PTCHD1: variants seen among roughly 807,000 people sequenced by gnomAD.
The protein encoded by PTCHD1 is patched domain-containing protein 1.
Under a neutral mutation model 34.6 loss-of-function variants are expected in PTCHD1, and 3 were observed. The observed-to-expected ratio is 0.09, with a 90% CI of 0.04 to 0.22. The LOEUF (loss-of-function observed/expected upper bound fraction) is 0.22. Among genes scored for constraint, PTCHD1 ranks in the 10% least tolerant of loss-of-function variants. The pLI is 1.00. For synonymous variants in PTCHD1, 305 were observed against 283.1 expected (o/e 1.08, Z -0.77); for missense variants, 504 against 685.5 (o/e 0.74, Z 2.96).
intron 1 of PTCHD1, among the ~76,000 whole-genome samples, chrX:23,336,387 T>C (rs1268256571): frequency 9.0e-6 from 1 of 111,035 alleles, no homozygotes; most frequent in Non-Finnish European, 1.9e-5. Context: ...TTTGTGTGAG[T>C]CTCTAGTCCA....
At chrX:23,368,135 A>C (rs1168026289) in intron 1 of PTCHD1, among the ~76,000 whole-genome samples, 1 of 111,404 alleles carries the variant, frequency 9.0e-6, no homozygotes, top group Non-Finnish European at 1.9e-5. Context: ...TAAAAAAAAA[A>C]AAAAAACTTT....
At chrX:23,352,047 C>G (rs1011339593) in intron 1 of PTCHD1, among the ~76,000 whole-genome samples, 1 of 111,468 alleles carries the variant, frequency 9.0e-6, no homozygotes, top group Non-Finnish European at 1.9e-5. Context: ...AAGGAATGAA[C>G]TGTACTAGAA....
chrX:23,385,967 CAT>C (rs1205352749), intron 2 of PTCHD1, among the ~76,000 whole-genome samples: 7 of 110,193 alleles, frequency 6.4e-5, no homozygotes, highest in East Asian at 5.6e-4. Flanking sequence ...GTGTTTATAA[CAT>C]ATATTATGTA....
chrX:23,357,521 A>G (rs769667738), intron 1 of PTCHD1, among the ~76,000 whole-genome samples: 2 of 111,240 alleles, frequency 1.8e-5, no homozygotes, highest in South Asian at 3.9e-4. Context: ...CCATGAGTCT[A>G]TATACCCAGT....
Position 23,387,051 on chromosome X carries a change from T to C in PTCHD1, c.1013-5480T>C, listed in dbSNP as rs372990928. ...GCGAAAATCTGGGACTGAAGAAAAA[T>C]CTGACTTACAAAATCCAGAAGTATT... On this transcript the variant is annotated intron_variant, in intron 2 of 2. Transcript: ENST00000379361. 2.1e-3 allele frequency among the ~76,000 whole-genome samples: 235 copies of C among 112,002 alleles called. 1 individual carries two copies. The highest frequency in any genetic ancestry group is 7.2e-3 in the African/African-American group (222 of 30,827).
At chrX:23,337,680 A>G (rs1158440269) in intron 1 of PTCHD1, among the ~76,000 whole-genome samples, 1 of 111,435 alleles carries the variant, frequency 9.0e-6, no homozygotes, top group African/African-American at 3.3e-5. Context: ...ACAACACCCA[A>G]CAGTCCCTGC....
chrX:23,360,676 C>T lies in PTCHD1; in HGVS notation c.352-18915C>T, dbSNP rs376615683. 9.9e-5 allele frequency among the ~76,000 whole-genome samples: 11 copies of T among 111,323 alleles called. No homozygotes were observed. The East Asian group carries it at 3.1e-3, about 31-fold the overall frequency. ...AGTTCTGCTCTGATCTTAGTTATTT[C>T]TTGCCTTCTGCTAGCTTTTGAATGT... On this transcript the variant is annotated intron_variant, in intron 1 of 2. Transcript: ENST00000379361.
At chrX:23,348,225 G>C (rs1383048176) in intron 1 of PTCHD1, among the ~76,000 whole-genome samples, 1 of 107,334 alleles carries the variant, frequency 9.3e-6, no homozygotes, top group Non-Finnish European at 1.9e-5. Flanking sequence ...CTTGAATATA[G>C]GGCAATATAA....
chrX:23,378,972 G>A (rs767808208), intron 1 of PTCHD1, among the ~76,000 whole-genome samples: 1 of 111,985 alleles, frequency 8.9e-6, no homozygotes, highest in Non-Finnish European at 1.9e-5. Context: ...GGCAAGGAAA[G>A]CCAGAGACAA....
upstream of PTCHD1, chrX:23,334,837 G>C (rs1276511802): frequency 2.1e-6 from 2 of 974,108 alleles, no homozygotes; most frequent in Admixed American, 7.2e-5. Context: ...CGCGCCGAGC[G>C]TGCGCCTCGC....
chrX:23,364,154 C>G (rs1463008015), intron 1 of PTCHD1, among the ~76,000 whole-genome samples: 2 of 110,968 alleles, frequency 1.8e-5, no homozygotes, highest in Non-Finnish European at 3.8e-5. Flanking sequence ...ATAAGCAAGA[C>G]TAGCTGAAGT....
At chrX:23,367,782 C>A (rs921230796) in intron 1 of PTCHD1, among the ~76,000 whole-genome samples, 5 of 111,506 alleles carry the variant, frequency 4.5e-5, no homozygotes, top group Non-Finnish European at 7.5e-5. Context: ...GTGCAATATT[C>A]TAGGTTCCAT....
In PTCHD1 at chrX:23,358,060, G is replaced by A. The variant is rs1174023099; in HGVS notation, c.352-21531G>A. Among the ~76,000 whole-genome samples the A allele has an allele frequency of 3.6e-5, 4 of 111,860 alleles. No individual in the cohort carries two copies. The South Asian group carries it at 1.1e-3, about 31-fold the overall frequency. On this transcript the variant is annotated intron_variant, in intron 1 of 2. Coordinates refer to ENST00000379361, the MANE Select transcript of PTCHD1 (RefSeq NM_173495.3). ...CATTTTCTTAATCCAGTCTATCATT[G>A]ATGGACATTTGGGTTGGTTCCAAGT... is the stretch of plus-strand genomic sequence containing the variant.
At position 23,354,452 on chromosome X, in the gene PTCHD1, GAA is replaced by G. The variant is rs57781364; in HGVS notation, c.351+19228_351+19229del. Among the ~76,000 whole-genome samples the G allele has an allele frequency of 3.0e-3, 297 of 98,334 alleles. 7 individuals carry two copies. The East Asian group carries it at 0.084, about 28-fold the overall frequency. The allele number at this position is 98,334 out of a possible 115,157, so 85.4% of individuals were successfully genotyped here. ...ACACAGAGAGAGAGAGAGAGAGAGA[GAA>G]ACACACAACTTTCTTGTCAATCCCA... is the stretch of plus-strand genomic sequence containing the variant. On this transcript the variant is annotated intron_variant, in intron 1 of 2. Transcript: ENST00000379361.
chrX:23,378,895 C>T (rs918942008), intron 1 of PTCHD1, among the ~76,000 whole-genome samples: 1 of 111,927 alleles, frequency 8.9e-6, no homozygotes, highest in Non-Finnish European at 1.9e-5. Context: ...CCATTGTTCT[C>T]CTTTAGCATG....
At chrX:23,349,161 C>G (rs749783936) in intron 1 of PTCHD1, among the ~76,000 whole-genome samples, 1 of 110,772 alleles carries the variant, frequency 9.0e-6, no homozygotes, top group South Asian at 3.8e-4. Flanking sequence ...AATTGATACA[C>G]TAACAGAGGA....
chrX:23,336,445 G>A (rs1380787375), intron 1 of PTCHD1, among the ~76,000 whole-genome samples: 1 of 111,278 alleles, frequency 9.0e-6, no homozygotes, highest in East Asian at 2.8e-4. Flanking sequence ...TTATCCCAAG[G>A]GGAGTCTGCC....
chrX:23,391,709 C>T (rs920740722), intron 2 of PTCHD1, among the ~76,000 whole-genome samples: 3 of 111,822 alleles, frequency 2.7e-5, no homozygotes, highest in African/African-American at 9.8e-5. Flanking sequence ...TCTGCACTGA[C>T]CCCTAGCCAG....
intron 1 of PTCHD1, chrX:23,351,146 C>A: frequency 1.7e-6 from 1 of 593,700 alleles, no homozygotes; most frequent in Non-Finnish European, 2.7e-6. Context: ...AGCCAACATC[C>A]TTTTGGAGCC....
Sources: gnomAD v4.1 joint callset for allele counts (sites outside exome capture counted in the v4.1 genomes callset) on GRCh38, gnomAD v4.1.1 for gene constraint, MANE v1.5 for transcripts, NCBI Gene and HGNC (gene_info 2026-07-23, HGNC 2026-07-21) for gene names.